CLSTN2: variants seen among roughly 807,000 people sequenced by gnomAD.
CLSTN2 encodes the protein calsyntenin 2, also known as calsyntenin-2.
CLSTN2 carries 48 observed loss-of-function variants against 101.2 expected under a neutral mutation model. The ratio of observed to expected loss-of-function variants is 0.47; its 90% CI spans 0.38 to 0.60. CLSTN2 has a LOEUF of 0.60. Among genes scored for constraint, CLSTN2 ranks in the 20% least tolerant of loss-of-function variants. CLSTN2 has a pLI of 0.00. For synonymous variants in CLSTN2, 481 were observed against 463.6 expected, an observed-to-expected ratio of 1.04 and a Z score of -0.48; for missense variants, 1,160 against 1,238.2, an observed-to-expected ratio of 0.94 and a Z score of 0.95.
chr3:140,373,303 A>T (rs1246198449), intron 2 of CLSTN2, among the ~76,000 whole-genome samples: 2 of 152,216 alleles, frequency 1.3e-5, no homozygotes, highest in Non-Finnish European at 2.9e-5. Context: ...TGTTGTTCTT[A>T]TTCTTAGGAG....
At chr3:140,492,836 T>C (rs1301099867) in intron 8 of CLSTN2, among the ~76,000 whole-genome samples, 3 of 152,004 alleles carry the variant, frequency 2.0e-5, no homozygotes, top group African/African-American at 7.3e-5. Context: ...GATGGATGGA[T>C]GGAAATGAAC....
intron 1 of CLSTN2, among the ~76,000 whole-genome samples, chr3:140,040,491 T>C (rs1191106193): frequency 6.6e-6 from 1 of 151,956 alleles, no homozygotes; most frequent in Non-Finnish European, 1.5e-5. Context: ...AGCATTCTCA[T>C]ATGCCCTTTC....
At chr3:140,110,411 C>CTA (rs2009134727) in intron 1 of CLSTN2, among the ~76,000 whole-genome samples, 1 of 152,216 alleles carries the variant, frequency 6.6e-6, no homozygotes, top group South Asian at 2.1e-4. Context: ...GAAATGTAAA[C>CTA]ATTAAACACC....
At chr3:140,153,162 C>A (rs2009894125) in intron 1 of CLSTN2, among the ~76,000 whole-genome samples, 1 of 152,178 alleles carries the variant, frequency 6.6e-6, no homozygotes. Flanking sequence ...GGTACATGTC[C>A]CCTGCACAGC....
intron 9 of CLSTN2, among the ~76,000 whole-genome samples, chr3:140,537,146 G>A (rs2107782032): frequency 6.6e-6 from 1 of 152,246 alleles, no homozygotes; most frequent in East Asian, 1.9e-4. Flanking sequence ...AGTGTTTCAG[G>A]TGCTTTTGAG....
intron 8 of CLSTN2, among the ~76,000 whole-genome samples, chr3:140,516,409 A>C (rs1934917820): frequency 6.6e-6 from 1 of 151,546 alleles, no homozygotes; most frequent in African/African-American, 2.4e-5. Flanking sequence ...TTTTTTTCAT[A>C]GTTTTTTGTT....
chr3:140,232,710 G>T lies in CLSTN2; in HGVS notation c.232+56637G>T, dbSNP rs1000312027. Among the ~76,000 whole-genome samples the T allele has an allele frequency of 5.9e-5, 9 of 152,218 alleles. 1 individual carries two copies. The highest frequency in any genetic ancestry group is 9.6e-5 in the African/African-American group (4 of 41,540). On this transcript the variant is annotated intron_variant, in intron 2 of 16. Coordinates refer to ENST00000458420, the MANE Select transcript of CLSTN2 (RefSeq NM_022131.3). ...GTCCTCCAAACATTACCCCCTTATT[G>T]TATTTAATATTGCAATGAATGGTAC...
chr3:140,406,054 G>A (rs1185716141), intron 4 of CLSTN2, among the ~76,000 whole-genome samples: 2 of 152,178 alleles, frequency 1.3e-5, no homozygotes, highest in Non-Finnish European at 2.9e-5. Context: ...AAATCCAGTG[G>A]CAGCAAGGGT....
intron 2 of CLSTN2, among the ~76,000 whole-genome samples, chr3:140,364,229 C>T (rs536966984): frequency 7.9e-5 from 12 of 152,224 alleles, no homozygotes; most frequent in African/African-American, 2.9e-4. Flanking sequence ...ACCCAGAGTT[C>T]CCTGGGAGGA....
intron 8 of CLSTN2, among the ~76,000 whole-genome samples, chr3:140,520,981 G>A (rs1212187266): frequency 5.3e-5 from 8 of 150,350 alleles, no homozygotes. Context: ...AATGTCTCAT[G>A]TTGTGTTCCT....
chr3:140,108,530 T>A (rs2009100148), intron 1 of CLSTN2, among the ~76,000 whole-genome samples: 1 of 152,176 alleles, frequency 6.6e-6, no homozygotes, highest in Admixed American at 6.5e-5. Context: ...GAAGTCCCAT[T>A]GAATTTTTTA....
At chr3:140,345,887 C>G (rs1007882171) in intron 2 of CLSTN2, among the ~76,000 whole-genome samples, 11 of 152,166 alleles carry the variant, frequency 7.2e-5, no homozygotes, top group Admixed American at 4.6e-4. Context: ...CAAAGCCTTT[C>G]GCTGTGAATG....
intron 2 of CLSTN2, among the ~76,000 whole-genome samples, chr3:140,252,483 T>G (rs2086572718): frequency 6.6e-6 from 1 of 152,198 alleles, no homozygotes; most frequent in South Asian, 2.1e-4. Context: ...TAACAAGCTC[T>G]CTGCCTTTCC....
At chr3:139,975,963 A>G (rs1935809615) in intron 1 of CLSTN2, among the ~76,000 whole-genome samples, 1 of 152,222 alleles carries the variant, frequency 6.6e-6, no homozygotes, top group African/African-American at 2.4e-5. Flanking sequence ...ACTAGTACAG[A>G]GAGACTCAGG....
intron 2 of CLSTN2, among the ~76,000 whole-genome samples, chr3:140,349,982 C>A (rs1162514567): frequency 1.3e-5 from 2 of 152,296 alleles, no homozygotes; most frequent in Middle Eastern, 6.8e-3. Context: ...AGATTGAATG[C>A]GTCATCTGGA....
rs570527627 is a variant in CLSTN2, at chr3:140,532,635, A to C, written c.1507+149A>C. 1.1e-4 allele frequency: 61 copies of C among 564,250 alleles called. No homozygotes were observed. The African/African-American group carries it at 1.1e-3, about 10-fold the overall frequency. The allele number at this position is 564,250 out of a possible 1,614,324, so 35.0% of individuals were successfully genotyped here. A position where few individuals can be genotyped will look rare whatever the true frequency, so the allele number is the denominator to read the frequency against. ...AAAAAATTCAAGACATATAAAAATA[A>C]GTATAAATCTACAAACTAAACGTAT... On this transcript the variant is annotated intron_variant, in intron 9 of 16. Transcript: ENST00000458420.
chr3:140,445,721 A>T lies in CLSTN2; in HGVS notation c.788-2798A>T, dbSNP rs374289577. ...CCATGGATTCTGTCTGCAGCTCAGG[A>T]AGTGCTACCAAGGCAGCAATCAAGG... is the stretch of plus-strand genomic sequence containing the variant. On this transcript the variant is annotated intron_variant, in intron 5 of 16. Coordinates refer to ENST00000458420, the MANE Select transcript of CLSTN2 (RefSeq NM_022131.3). Among the ~76,000 whole-genome samples, 15 of 152,264 alleles carry T rather than the reference A, an allele frequency of 9.9e-5. No homozygotes were observed. The East Asian group carries it at 1.9e-3, about 20-fold the overall frequency.
chr3:140,462,617 A>G (rs1256400340), intron 7 of CLSTN2: 1 of 152,236 alleles, frequency 6.6e-6, no homozygotes, highest in Non-Finnish European at 1.5e-5. Flanking sequence ...AGAATTGACT[A>G]GTCAGCAAAG....
chr3:140,404,841 G>A (rs1410106559), intron 4 of CLSTN2, 75 bp downstream of exon 4: 1 of 1,252,058 alleles, frequency 8.0e-7, no homozygotes, highest in Non-Finnish European at 1.2e-6. Flanking sequence ...CCCAACATGG[G>A]CTCTGAATAT....
Sources: allele counts gnomAD v4.1 joint callset (sites outside exome capture counted in the v4.1 genomes callset), GRCh38; gene constraint gnomAD v4.1.1; transcripts MANE v1.5; gene names NCBI Gene and HGNC (gene_info 2026-07-23, HGNC 2026-07-21).